Variants in ATP2A2 observed in about 807,000 individuals in gnomAD.
ATP2A2 encodes ATPase sarcoplasmic/endoplasmic reticulum Ca2+ transporting 2, also known as sarcoplasmic/endoplasmic reticulum calcium ATPase 2.
Under a neutral mutation model 109.3 loss-of-function variants are expected in ATP2A2, and 14 were observed. The observed-to-expected ratio is 0.13, with a 90% CI of 0.08 to 0.20. ATP2A2 has a LOEUF of 0.20. ATP2A2 is among the 10% of genes least tolerant of loss of function. ATP2A2 has a pLI of 1.00. For synonymous variants in ATP2A2, 506 were observed against 490.9 expected, an observed-to-expected ratio of 1.03 and a Z score of -0.41; for missense variants, 657 against 1,321.6, an observed-to-expected ratio of 0.50 and a Z score of 7.80.
intron 17 of ATP2A2, 24 bp downstream of exon 17, chr12:110,344,995 TA>T (rs929484347): frequency 1.4e-5 from 22 of 1,610,182 alleles, no homozygotes; most frequent in Non-Finnish European, 1.8e-5. Flanking sequence ...TTTCTTTCTG[TA>T]CCTTACATGA....
chr12:110,291,886 G>A, intron 3 of ATP2A2, 134 bp from the exon 4 acceptor site: 1 of 770,842 alleles, frequency 1.3e-6, no homozygotes, highest in Non-Finnish European at 2.3e-6. Flanking sequence ...GACCTCAGGT[G>A]ATCGCCTGCC....
chr12:110,316,807 A>G (rs1876712229), intron 5 of ATP2A2, among the ~76,000 whole-genome samples: 1 of 152,182 alleles, frequency 6.6e-6, no homozygotes, highest in Admixed American at 6.5e-5. Context: ...GCCCAGAAAC[A>G]AGTTAGAGGA....
chr12:110,344,274 C>G (rs1273036285), intron 16 of ATP2A2, among the ~76,000 whole-genome samples: 1 of 152,086 alleles, frequency 6.6e-6, no homozygotes, highest in Non-Finnish European at 1.5e-5. Flanking sequence ...GGATATTTGC[C>G]TCGTCTGAAC....
Position 110,293,824 on chromosome 12 carries a change from A to ATGTGTGTGTG in ATP2A2, c.324+1701_324+1702insGTGTGTGTGT, listed in dbSNP as rs1260963887. Among the ~76,000 whole-genome samples the ATGTGTGTGTG allele has an allele frequency of 7.9e-5, 10 of 126,430 alleles. No homozygotes were observed. The Middle Eastern group carries it at 0.012, about 155-fold the overall frequency. 82.9% of individuals were successfully genotyped at this position (126,430 alleles called of 152,430 possible). On this transcript the variant is annotated intron_variant, in intron 4 of 19. Coordinates refer to ENST00000539276, the MANE Select transcript of ATP2A2 (RefSeq NM_170665.4). The stretch of plus-strand genomic sequence containing the variant: ...TTAGAGATTTGTAATTGTGCCATAT[A>ATGTGTGTGTG]TATGTGTGTGTGTGTGTGTGTGTGT...
chr12:110,321,186 C>A (rs761437989), intron 5 of ATP2A2, among the ~76,000 whole-genome samples: 2 of 152,186 alleles, frequency 1.3e-5, no homozygotes, highest in Non-Finnish European at 2.9e-5. Context: ...TGAGATCATG[C>A]CACTGCACTC....
intron 11 of ATP2A2, among the ~76,000 whole-genome samples, chr12:110,337,335 C>T (rs1287022474): frequency 1.3e-5 from 2 of 152,192 alleles, no homozygotes; most frequent in African/African-American, 4.8e-5. Context: ...CAGCCTAGTA[C>T]TGAAAGGGAT....
chr12:110,343,581 A>C, intron 16 of ATP2A2, 147 bp downstream of exon 16: 1 of 934,092 alleles, frequency 1.1e-6, no homozygotes, highest in Non-Finnish European at 1.7e-6. Flanking sequence ...AGTTCGATGA[A>C]CTATACATCC....
intron 5 of ATP2A2, among the ~76,000 whole-genome samples, chr12:110,301,086 C>CA (rs1874583263): frequency 6.6e-6 from 1 of 151,872 alleles, no homozygotes; most frequent in Admixed American, 6.6e-5. Context: ...AGGCTGGTCT[C>CA]AAACTCCTGG....
At chr12:110,283,707 A>G (rs1210090484) in intron 3 of ATP2A2, among the ~76,000 whole-genome samples, 1 of 152,208 alleles carries the variant, frequency 6.6e-6, no homozygotes, top group African/African-American at 2.4e-5. Flanking sequence ...CGTTATTCTT[A>G]CAAAAACCAC....
At chr12:110,307,247 T>TTTTTTTG (rs1206614778) in intron 5 of ATP2A2, among the ~76,000 whole-genome samples, 1 of 150,248 alleles carries the variant, frequency 6.7e-6, no homozygotes. Flanking sequence ...TTTCTTTTTT[T>TTTTTTTG]TTGAGGCAGG....
chr12:110,309,140 A>ATTTTTTTT lies in ATP2A2; in HGVS notation c.463+12431_463+12438dup, dbSNP rs10665212. Among the ~76,000 whole-genome samples the ATTTTTTTT allele has an allele frequency of 2.1e-3, 104 of 48,910 alleles. 8 individuals are homozygous for ATTTTTTTT. The highest frequency in any genetic ancestry group is 3.8e-3 in the Admixed American group (11 of 2,860). The allele number at this position is 48,910 out of a possible 152,430, so 32.1% of individuals were successfully genotyped here. ...ATGGAGAGAGAGTTTAAGGAAACTA[A>ATTTTTTTT]TTTTTTTTTTTTTTTTTTTTTTTTT... On this transcript the variant is annotated intron_variant, in intron 5 of 19. Coordinates refer to ENST00000539276, the MANE Select transcript of ATP2A2 (RefSeq NM_170665.4).
rs1299820240 is a variant in ATP2A2 at position 110,349,686 on chromosome 12, T to C, written c.*3216T>C. 2.0e-6 allele frequency: 2 copies of C among 991,280 alleles called. No homozygotes were observed. The highest frequency in any genetic ancestry group is 2.4e-6 in the Non-Finnish European group (2 of 832,954). The allele number at this position is 991,280 out of a possible 1,614,324, so 61.4% of individuals were successfully genotyped here. A position where few individuals can be genotyped will look rare whatever the true frequency, so the allele number is the denominator to read the frequency against. ...CAGTGTCTACCAAGCATCTAGCCAC[T>C]GTCCAGGGCCAGAGCATACCACGTC... On this transcript the variant is annotated 3_prime_UTR_variant, in exon 20 of 20. Coordinates refer to ENST00000539276, the MANE Select transcript of ATP2A2 (RefSeq NM_170665.4).
intron 5 of ATP2A2, among the ~76,000 whole-genome samples, chr12:110,314,883 T>G (rs1876492651): frequency 2.0e-5 from 3 of 151,468 alleles, no homozygotes; most frequent in Non-Finnish European, 2.9e-5. Context: ...TTTTTTTTTT[T>G]GGAAATGGAG....
intron 5 of ATP2A2, among the ~76,000 whole-genome samples, chr12:110,305,973 G>A (rs1030163790): frequency 6.6e-6 from 1 of 151,862 alleles, no homozygotes. Flanking sequence ...TTTGGCGGGG[G>A]GAATATTTGT....
At chr12:110,324,601 T>A (rs557668518) in intron 6 of ATP2A2, among the ~76,000 whole-genome samples, 55 of 152,244 alleles carry the variant, frequency 3.6e-4, no homozygotes, top group African/African-American at 1.3e-3. Context: ...TTTGTATTTT[T>A]AGTAGAGACG....
chr12:110,290,556 T>A (rs1460650260), intron 3 of ATP2A2, among the ~76,000 whole-genome samples: 2 of 152,240 alleles, frequency 1.3e-5, no homozygotes, highest in Non-Finnish European at 2.9e-5. Flanking sequence ...CAGATTTTAT[T>A]TGGATTCTAA....
chr12:110,327,826 C>T lies in ATP2A2; in HGVS notation c.904C>T (p.Leu302=). 1 of 1,614,186 alleles carries T rather than the reference C, an allele frequency of 6.2e-7. No homozygotes were observed. Among genetic ancestry groups the T allele is most frequent in the East Asian group, 2.2e-5 (1 of 44,890 alleles). ...TTACTACTTTAAAATTGCAGTGGCC[C>T]TGGCTGTAGCAGCCATTCCTGAAGG... ...AIYYFKIAVA[L]AVAAIPEGLP... is the part of the protein sequence containing the mutation. Residue 302 remains leucine, a synonymous_variant, in exon 8 of 20, where the codon CTG becomes TTG. Transcript: ENST00000539276. The surrounding 1 kb of genome is among the most constrained non-coding windows in gnomAD (Gnocchi z 4.4).
chr12:110,347,627 A>G lies in ATP2A2; in HGVS notation c.*1157A>G, dbSNP rs1880004400. The G allele has an allele frequency of 8.3e-7, 1 of 1,204,440 alleles. No homozygotes were observed. Among genetic ancestry groups the G allele is most frequent in the Non-Finnish European group, 1.1e-6 (1 of 947,612 alleles). 74.6% of individuals were successfully genotyped at this position (1,204,440 alleles called of 1,614,324 possible). ...AAATAGCACATGACCAAATGAACAT[A>G]TTGTATAGAACTATTTTTATTTGAA... On this transcript the variant is annotated 3_prime_UTR_variant, in exon 20 of 20. Coordinates refer to ENST00000539276, the MANE Select transcript of ATP2A2 (RefSeq NM_170665.4).
At chr12:110,329,339 C>G (rs1878113735) in intron 8 of ATP2A2, 1 of 152,158 alleles carries the variant, frequency 6.6e-6, no homozygotes, top group African/African-American at 2.4e-5. Context: ...GATGTGGAAC[C>G]CACAGGTACA....
Sources: allele counts gnomAD v4.1 joint callset (sites outside exome capture counted in the v4.1 genomes callset), GRCh38; gene constraint gnomAD v4.1.1; non-coding constraint Gnocchi (gnomAD v3.1); transcripts MANE v1.5; gene names NCBI Gene and HGNC (gene_info 2026-07-23, HGNC 2026-07-21).